Variants in SPAG16 observed in about 807,000 individuals in gnomAD.
The protein encoded by SPAG16 is sperm associated antigen 16.
SPAG16 carries 86 observed loss-of-function variants against 80.4 expected under a neutral mutation model. The ratio of observed to expected loss-of-function variants is 1.07; its 90% confidence interval spans 0.90 to 1.28. The LOEUF is 1.28. Ranked by LOEUF, SPAG16 falls within the 50% of genes most tolerant of loss-of-function variation. SPAG16 has a pLI of 0.00. For synonymous variants in SPAG16, 294 were observed against 265.9 expected (o/e 1.11, Z -1.03); for missense variants, 870 against 765.3 (o/e 1.14, Z -1.61).
intron 12 of SPAG16, among the ~76,000 whole-genome samples, chr2:213,960,203 T>G (rs911453540): frequency 2.6e-5 from 4 of 152,180 alleles, no homozygotes; most frequent in African/African-American, 9.6e-5. Context: ...ATGTTTCAGC[T>G]CCACATTTCT....
chr2:213,373,181 A>T (rs564633519), intron 8 of SPAG16, among the ~76,000 whole-genome samples: 4 of 152,298 alleles, frequency 2.6e-5, no homozygotes, highest in African/African-American at 9.6e-5. Context: ...CTTTGCTGGG[A>T]TATTACTCAA....
chr2:213,535,728 G>T (rs1271032680), intron 10 of SPAG16, among the ~76,000 whole-genome samples: 2 of 152,082 alleles, frequency 1.3e-5, no homozygotes, highest in Non-Finnish European at 2.9e-5. Context: ...GAATTTAAAA[G>T]TCTCTATCAT....
chr2:214,373,384 A>G (rs943292815), intron 15 of SPAG16, among the ~76,000 whole-genome samples: 5 of 152,224 alleles, frequency 3.3e-5, no homozygotes, highest in Admixed American at 2.6e-4. Context: ...CAAGAGCCAC[A>G]CATTGTATAG....
In SPAG16 at chr2:213,641,205, G is replaced by T. The variant is rs979506528; in HGVS notation, c.1070+151115G>T. Among the ~76,000 whole-genome samples the T allele has an allele frequency of 3.3e-5, 5 of 152,262 alleles. No homozygotes were observed. The East Asian group carries it at 9.7e-4, about 29-fold the overall frequency. ...CTGCCTCTGATGTGTCATACAGGTTGTCAGGGAAGTGGAGGAAAGCTGGCA... is the reference window on the plus strand; with the variant it reads ...CTGCCTCTGATGTGTCATACAGGTTTTCAGGGAAGTGGAGGAAAGCTGGCA... On this transcript the variant is annotated intron_variant, in intron 10 of 15. Coordinates refer to ENST00000331683, the MANE Select transcript of SPAG16 (RefSeq NM_024532.5).
chr2:214,208,670 T>G (rs2058211705), intron 15 of SPAG16, among the ~76,000 whole-genome samples: 1 of 152,146 alleles, frequency 6.6e-6, no homozygotes, highest in Non-Finnish European at 1.5e-5. Context: ...CAATTTTTTT[T>G]TTAGTTTTTG....
chr2:213,846,534 A>G (rs960420111), intron 10 of SPAG16, among the ~76,000 whole-genome samples: 8 of 152,044 alleles, frequency 5.3e-5, no homozygotes, highest in African/African-American at 1.7e-4. Flanking sequence ...AGTCCATGTC[A>G]TAAAATTGTA....
At chr2:213,980,712 G>GTGTGTATA (rs1469351640) in intron 12 of SPAG16, among the ~76,000 whole-genome samples, 6 of 114,002 alleles carry the variant, frequency 5.3e-5, no homozygotes, top group African/African-American at 2.3e-4. Context: ...GTGTGTGTGT[G>GTGTGTATA]TATATATATA....
chr2:213,439,059 G>A (rs1311645142), intron 9 of SPAG16, among the ~76,000 whole-genome samples: 1 of 152,192 alleles, frequency 6.6e-6, no homozygotes. Context: ...CGGAGACTCA[G>A]ATGAGAATTG....
chr2:213,298,835 T>G (rs920998059), intron 3 of SPAG16, among the ~76,000 whole-genome samples: 5 of 152,214 alleles, frequency 3.3e-5, no homozygotes, highest in African/African-American at 1.2e-4. Flanking sequence ...TCATTTAGCT[T>G]CTTTTTACCT....
At position 213,787,536 on chromosome 2, in the gene SPAG16, G is replaced by T. The variant is rs192291879; in HGVS notation, c.1071-74949G>T. On this transcript the variant is annotated intron_variant, in intron 10 of 15. Transcript: ENST00000331683. ...TGAGCTTGGAGATAGGAAGGCTGTA[G>T]ATTTTGGATAGCCATGTAAGTCATG... Among the ~76,000 whole-genome samples the T allele has an allele frequency of 3.0e-3, 464 of 152,230 alleles. 5 individuals are homozygous for T. Among genetic ancestry groups the T allele is most frequent in the Middle Eastern group, 0.014 (4 of 294 alleles).
At chr2:214,313,256 T>C (rs1452554815) in intron 15 of SPAG16, among the ~76,000 whole-genome samples, 5 of 152,162 alleles carry the variant, frequency 3.3e-5, no homozygotes, top group Admixed American at 3.3e-4. Context: ...TATATACTAA[T>C]TATTCCAACC....
intron 13 of SPAG16, among the ~76,000 whole-genome samples, chr2:214,076,513 C>CTGTGTGTG (rs71399105): frequency 7.7e-5 from 11 of 143,414 alleles, no homozygotes; most frequent in East Asian, 6.8e-4. Flanking sequence ...TTATTTTATT[C>CTGTGTGTG]TGTGTGTGTG....
intron 15 of SPAG16, among the ~76,000 whole-genome samples, chr2:214,170,781 T>A (rs2056844925): frequency 6.6e-6 from 1 of 152,040 alleles, no homozygotes; most frequent in African/African-American, 2.4e-5. Context: ...TGCTGTACCC[T>A]CTTTGGTCTT....
At chr2:213,368,617 G>A (rs998192215) in intron 8 of SPAG16, among the ~76,000 whole-genome samples, 21 of 152,154 alleles carry the variant, frequency 1.4e-4, no homozygotes, top group Admixed American at 9.2e-4. Flanking sequence ...AAAAGAAGAA[G>A]TCAAATTGTC....
intron 15 of SPAG16, among the ~76,000 whole-genome samples, chr2:214,260,196 T>A (rs915789678): frequency 1.2e-4 from 18 of 152,096 alleles, no homozygotes; most frequent in African/African-American, 4.3e-4. Context: ...TTCTAAGTGA[T>A]AAAAGACTAT....
chr2:214,074,878 G>C (rs1238336559), intron 13 of SPAG16, among the ~76,000 whole-genome samples: 1 of 152,034 alleles, frequency 6.6e-6, no homozygotes, highest in Non-Finnish European at 1.5e-5. Context: ...TAAAACAGCA[G>C]ATAACGCAAA....
intron 15 of SPAG16, among the ~76,000 whole-genome samples, chr2:214,187,776 C>T (rs1203205626): frequency 1.3e-5 from 2 of 151,222 alleles, no homozygotes; most frequent in African/African-American, 2.4e-5. Context: ...CTCCATATCG[C>T]TTAACCTTTT....
chr2:214,105,351 G>A (rs953484743), intron 13 of SPAG16, among the ~76,000 whole-genome samples: 1 of 152,088 alleles, frequency 6.6e-6, no homozygotes, highest in South Asian at 2.1e-4. Flanking sequence ...ATATTTGTCA[G>A]GCCCTTACTC....
intron 10 of SPAG16, among the ~76,000 whole-genome samples, chr2:213,802,123 GT>G (rs1279364794): frequency 2.0e-5 from 3 of 152,174 alleles, no homozygotes; most frequent in Non-Finnish European, 4.4e-5. Context: ...AGATTATACA[GT>G]TGTTTTTAAG....
Sources: gnomAD v4.1 joint callset for allele counts (sites outside exome capture counted in the v4.1 genomes callset) on GRCh38, gnomAD v4.1.1 for gene constraint, MANE v1.5 for transcripts, NCBI Gene and HGNC (gene_info 2026-07-23, HGNC 2026-07-21) for gene names.